Variants in DOCK4 observed in about 807,000 individuals in gnomAD.
The protein encoded by DOCK4 is dedicator of cytokinesis protein 4.
In DOCK4, 97 loss-of-function variants were observed where a neutral mutation model predicts 268.1. The ratio of observed to expected loss-of-function variants is 0.36; its 90% CI spans 0.31 to 0.43. The LOEUF (loss-of-function observed/expected upper bound fraction) is 0.43, where lower values mean the gene tolerates loss of function less well. Ranked by LOEUF, DOCK4 falls within the 20% of genes least tolerant of loss-of-function variation. DOCK4 has a pLI of 1.00. For missense variants in DOCK4, 2,145 were observed against 2,455.7 expected, an observed-to-expected ratio of 0.87 and a Z score of 2.67; for synonymous variants, 954 against 887.2, an observed-to-expected ratio of 1.08 and a Z score of -1.34.
chr7:111,891,752 G>A (rs1321502348), intron 16 of DOCK4, among the ~76,000 whole-genome samples: 2 of 152,078 alleles, frequency 1.3e-5, no homozygotes, highest in East Asian at 3.9e-4. Context: ...CTCCAATTCT[G>A]GGCTTTAAAA....
intron 30 of DOCK4, among the ~76,000 whole-genome samples, chr7:111,796,838 C>T (rs900417015): frequency 1.3e-5 from 2 of 152,074 alleles, no homozygotes; most frequent in Admixed American, 6.6e-5. Context: ...GCTAAGGTTG[C>T]GTGGGTAAGC....
chr7:112,066,657 TA>T (rs1806998304), intron 1 of DOCK4, among the ~76,000 whole-genome samples: 4 of 121,958 alleles, frequency 3.3e-5, no homozygotes, highest in African/African-American at 1.3e-4. Flanking sequence ...TATATACACA[TA>T]TTATACATAT....
At chr7:112,160,245 TCA>T (rs1208534682) in intron 1 of DOCK4, among the ~76,000 whole-genome samples, 2 of 152,186 alleles carry the variant, frequency 1.3e-5, no homozygotes, top group Non-Finnish European at 2.9e-5. Flanking sequence ...TTTACCTCTC[TCA>T]GAGGGCTTTT....
At chr7:112,019,403 C>T (rs1802126938) in intron 1 of DOCK4, among the ~76,000 whole-genome samples, 1 of 152,114 alleles carries the variant, frequency 6.6e-6, no homozygotes, top group Non-Finnish European at 1.5e-5. Flanking sequence ...TGCTAACAGT[C>T]ATTTGTTATT....
chr7:112,020,808 A>T (rs1289093759), intron 1 of DOCK4, among the ~76,000 whole-genome samples: 2 of 152,122 alleles, frequency 1.3e-5, no homozygotes, highest in Non-Finnish European at 2.9e-5. Context: ...CTGGCTTTAG[A>T]TGTTTCTTTC....
At chr7:112,085,203 A>G (rs955928822) in intron 1 of DOCK4, among the ~76,000 whole-genome samples, 6 of 152,098 alleles carry the variant, frequency 3.9e-5, no homozygotes, top group African/African-American at 1.4e-4. Flanking sequence ...CCTCAGTCCC[A>G]CAATATTTGC....
At chr7:111,913,611 A>T (rs373789632) in intron 13 of DOCK4, among the ~76,000 whole-genome samples, 4 of 150,958 alleles carry the variant, frequency 2.6e-5, no homozygotes, top group Admixed American at 2.0e-4. Flanking sequence ...GGGTTTCACC[A>T]TGTTAGCCAG....
chr7:111,744,722 T>C (rs185297762), intron 44 of DOCK4, among the ~76,000 whole-genome samples: 1 of 152,200 alleles, frequency 6.6e-6, no homozygotes, highest in Non-Finnish European at 1.5e-5. Flanking sequence ...TCCTAAGTAA[T>C]GGATGACCTC....
rs1562863468 is a variant in DOCK4 at position 111,900,501 on chromosome 7, G to A, written c.1353C>T (p.Ala451=). ...FISFGSGEPP[A]SEYHSFVLYH... Reference sequence around the variant, plus strand: ...AAAGCACAAAGGAGTGGTACTCACTGGCTGGTGGCTCCCCAGAGCCGAAGG... The same window carrying A: ...AAAGCACAAAGGAGTGGTACTCACTAGCTGGTGGCTCCCCAGAGCCGAAGG... The change falls in exon 15 of 53, where the codon GCC becomes GCT. Residue 451 remains alanine, a synonymous_variant. Transcript: ENST00000428084. The A allele has an allele frequency of 2.5e-6, 4 of 1,612,628 alleles. No individual in the cohort carries two copies. Among genetic ancestry groups the A allele is most frequent in the East Asian group, 2.2e-5 (1 of 44,858 alleles).
intron 25 of DOCK4, among the ~76,000 whole-genome samples, chr7:111,840,042 T>C (rs1803556289): frequency 6.6e-6 from 1 of 152,218 alleles, no homozygotes; most frequent in Non-Finnish European, 1.5e-5. Flanking sequence ...AAGATGTACT[T>C]AGCTGCAGTG....
chr7:111,876,929 C>A lies in DOCK4; in HGVS notation c.1744+101G>T, dbSNP rs1183305005. 3 of 1,124,496 alleles carry A rather than the reference C, an allele frequency of 2.7e-6. No individual in the cohort carries two copies. The South Asian group carries it at 1.3e-4, about 47-fold the overall frequency. The allele number at this position is 1,124,496 out of a possible 1,614,324, so 69.7% of individuals were successfully genotyped here. On this transcript the variant is annotated intron_variant, in intron 17 of 52. Transcript: ENST00000428084. ...ACAAATGGAAGGATCAATAATTTTT[C>A]TAAAGTTCTTAACTATCACTTTGGT...
At chr7:111,755,132 C>A (rs1023880318) in intron 42 of DOCK4, among the ~76,000 whole-genome samples, 1 of 152,126 alleles carries the variant, frequency 6.6e-6, no homozygotes, top group Non-Finnish European at 1.5e-5. Context: ...AGAATATATA[C>A]CTCATAGCTT....
chr7:111,849,867 T>C (rs985760738), intron 23 of DOCK4, among the ~76,000 whole-genome samples: 2 of 152,108 alleles, frequency 1.3e-5, no homozygotes, highest in Non-Finnish European at 2.9e-5. Context: ...ATATTTTCGA[T>C]TCCTGATCCT....
chr7:112,094,871 A>G (rs1264424303), intron 1 of DOCK4, among the ~76,000 whole-genome samples: 1 of 152,066 alleles, frequency 6.6e-6, no homozygotes, highest in African/African-American at 2.4e-5. Flanking sequence ...TGCTTTCACC[A>G]TGCGATGTGC....
chr7:111,758,912 G>A (rs1797210006), intron 40 of DOCK4, 122 bp from the exon 41 acceptor site: 19 of 923,334 alleles, frequency 2.1e-5, no homozygotes, highest in Non-Finnish European at 2.9e-5. Flanking sequence ...TTCAGTTGAA[G>A]TCATTAAAAA....
rs79354607 is a variant in DOCK4 at position 111,857,736 on chromosome 7, C to T, written c.2473+5636G>A. On this transcript the variant is annotated intron_variant, in intron 23 of 52. Transcript: ENST00000428084. ...CCGGCAGACCCTGTTCCTGACCTCT[C>T]GCTATCACGCCCTAAACTATGTCTC... 5.6e-3 allele frequency among the ~76,000 whole-genome samples: 860 copies of T among 152,248 alleles called. 8 individuals carry two copies. Among genetic ancestry groups the T allele is most frequent in the African/African-American group, 0.019 (804 of 41,536 alleles).
At chr7:112,022,322 T>C (rs1802392791) in intron 1 of DOCK4, among the ~76,000 whole-genome samples, 1 of 152,208 alleles carries the variant, frequency 6.6e-6, no homozygotes, top group Non-Finnish European at 1.5e-5. Context: ...CTGTATTTTA[T>C]AGATGAGGAA....
At chr7:112,038,783 C>T (rs1370749866) in intron 1 of DOCK4, among the ~76,000 whole-genome samples, 1 of 152,218 alleles carries the variant, frequency 6.6e-6, no homozygotes, top group East Asian at 1.9e-4. Context: ...AAGAACATAA[C>T]CTTTGGAGCC....
chr7:111,840,919 A>G (rs939196696), intron 25 of DOCK4: 1 of 1,149,686 alleles, frequency 8.7e-7, no homozygotes, highest in Non-Finnish European at 1.2e-6. Context: ...TCTCCAGAGA[A>G]TGGATTTTGT....
Sources: allele counts gnomAD v4.1 joint callset (sites outside exome capture counted in the v4.1 genomes callset), GRCh38; gene constraint gnomAD v4.1.1; transcripts MANE v1.5; gene names NCBI Gene and HGNC (gene_info 2026-07-23, HGNC 2026-07-21).